NRXN1: variants seen among roughly 807,000 people sequenced by gnomAD.
The protein encoded by NRXN1 is neurexin 1.
In NRXN1, 39 loss-of-function variants were observed where a neutral mutation model predicts 150.9. The ratio of observed to expected loss-of-function variants is 0.26; its 90% confidence interval spans 0.20 to 0.34. The LOEUF (loss-of-function observed/expected upper bound fraction) is 0.34, where lower values mean the gene tolerates loss of function less well. Ranked by LOEUF, NRXN1 falls within the 10% of genes least tolerant of loss-of-function variation. NRXN1 has a pLI of 1.00. For missense variants in NRXN1, 1,815 were observed against 1,949.9 expected (o/e 0.93, Z 1.30); for synonymous variants, 924 against 757.0 (o/e 1.22, Z -3.62).
At chr2:50,170,189 C>A (rs897836364) in intron 18 of NRXN1, among the ~76,000 whole-genome samples, 1 of 151,862 alleles carries the variant, frequency 6.6e-6, no homozygotes, top group Non-Finnish European at 1.5e-5. Context: ...ACTGGTTGAG[C>A]ACCCTAAATC....
intron 17 of NRXN1, among the ~76,000 whole-genome samples, chr2:50,440,389 C>A (rs992717356): frequency 6.6e-6 from 1 of 151,552 alleles, no homozygotes; most frequent in Admixed American, 6.6e-5. Context: ...GAAACCAAAT[C>A]TGACTATAGT....
intron 19 of NRXN1, among the ~76,000 whole-genome samples, chr2:50,077,073 A>C (rs1697226425): frequency 6.6e-6 from 1 of 152,220 alleles, no homozygotes; most frequent in Admixed American, 6.5e-5. Flanking sequence ...TTGCTCATTT[A>C]TCACAAGGAG....
At chr2:50,964,761 A>C (rs569256820) in intron 2 of NRXN1, among the ~76,000 whole-genome samples, 22 of 151,608 alleles carry the variant, frequency 1.5e-4, no homozygotes, top group South Asian at 6.2e-4. Flanking sequence ...ATACAGCTCC[A>C]CATAAAAACA....
intron 2 of NRXN1, among the ~76,000 whole-genome samples, chr2:50,950,873 G>C (rs907509481): frequency 6.6e-6 from 1 of 152,150 alleles, no homozygotes; most frequent in African/African-American, 2.4e-5. Context: ...AGAAAACAGA[G>C]TCTCAGAAAT....
rs187930619 is a variant in NRXN1 at position 50,029,858 on chromosome 2, T to C, written c.4128+23413A>G. Among the ~76,000 whole-genome samples the C allele has an allele frequency of 2.2e-4, 34 of 152,268 alleles. No homozygotes were observed. The East Asian group carries it at 5.8e-3, about 26-fold the overall frequency. On this transcript the variant is annotated intron_variant, in intron 21 of 22. Coordinates refer to ENST00000401669, the MANE Select transcript of NRXN1 (RefSeq NM_001330078.2). The stretch of plus-strand genomic sequence containing the variant: ...TATCCTTAATAAGCCCAAAGGTCTT[T>C]TGAATGAACCTTATAAGAATATCTA...
chr2:50,732,563 C>T (rs1285601421), intron 5 of NRXN1, among the ~76,000 whole-genome samples: 2 of 152,120 alleles, frequency 1.3e-5, no homozygotes, highest in Non-Finnish European at 2.9e-5. Context: ...TAATTATGTA[C>T]TTACAATATT....
At chr2:50,950,163 T>C (rs182839172) in intron 2 of NRXN1, among the ~76,000 whole-genome samples, 128 of 152,296 alleles carry the variant, frequency 8.4e-4, no homozygotes, top group African/African-American at 2.9e-3. Flanking sequence ...GGGAAAGTGG[T>C]TGCATTATTT....
chr2:50,343,379 T>C (rs1244135432), intron 17 of NRXN1, among the ~76,000 whole-genome samples: 1 of 152,200 alleles, frequency 6.6e-6, no homozygotes, highest in African/African-American at 2.4e-5. Flanking sequence ...TTCTGGACTC[T>C]TGTTGGCGTT....
intron 8 of NRXN1, among the ~76,000 whole-genome samples, chr2:50,617,085 G>A (rs904079594): frequency 6.6e-6 from 1 of 152,250 alleles, no homozygotes; most frequent in Middle Eastern, 3.4e-3. Flanking sequence ...AACAAGAGCA[G>A]GGCCTTCTAA....
chr2:50,673,236 T>G (rs571890413), intron 5 of NRXN1, among the ~76,000 whole-genome samples: 3 of 152,276 alleles, frequency 2.0e-5, no homozygotes, highest in South Asian at 4.1e-4. Flanking sequence ...CAATTTTAAT[T>G]ACAATTTATT....
At chr2:50,522,721 T>C (rs1157969630) in intron 12 of NRXN1, among the ~76,000 whole-genome samples, 1,695 of 22,726 alleles carry the variant, frequency 0.075, 544 homozygotes, top group African/African-American at 0.11. Flanking sequence ...TTTTTATTCA[T>C]TTTTTTTTTT....
chr2:50,814,334 G>T (rs3914731), intron 5 of NRXN1, among the ~76,000 whole-genome samples: 14,275 of 152,076 alleles, frequency 0.094, 843 homozygotes, highest in East Asian at 0.21. Flanking sequence ...ATTATAAAAT[G>T]TGGTTCACAA....
chr2:50,546,146 T>C (rs928920620), intron 9 of NRXN1, among the ~76,000 whole-genome samples: 1 of 152,096 alleles, frequency 6.6e-6, no homozygotes, highest in African/African-American at 2.4e-5. Flanking sequence ...GAACTAAATC[T>C]TAATCAAAAG....
At position 50,760,966 on chromosome 2, in the gene NRXN1, T is replaced by C. The variant is rs1701735877; in HGVS notation, c.833-137351A>G. ...AATGATTTTCTCACCTACAGTCTTGTTCTCTTTAACCATGACCCAAACCAA... is the reference window on the plus strand; with the variant it reads ...AATGATTTTCTCACCTACAGTCTTGCTCTCTTTAACCATGACCCAAACCAA... On this transcript the variant is annotated intron_variant, in intron 5 of 22. Coordinates refer to ENST00000401669, the MANE Select transcript of NRXN1 (RefSeq NM_001330078.2). Among the ~76,000 whole-genome samples, 3 of 151,940 alleles carry C rather than the reference T, an allele frequency of 2.0e-5. No homozygotes were observed. The South Asian group carries it at 6.2e-4, about 31-fold the overall frequency.
intron 12 of NRXN1, among the ~76,000 whole-genome samples, chr2:50,516,078 G>C (rs1407568409): frequency 6.6e-6 from 1 of 152,100 alleles, no homozygotes; most frequent in Admixed American, 6.5e-5. Flanking sequence ...AAACCTGTTT[G>C]TTTTAATTTT....
rs561335807 is a variant in NRXN1 at position 50,281,817 on chromosome 2, A to C, written c.3365-44847T>G. Among the ~76,000 whole-genome samples, 17 of 152,310 alleles carry C rather than the reference A, an allele frequency of 1.1e-4. No individual in the cohort carries two copies. In the South Asian group the frequency reaches 3.5e-3, roughly 32 times the overall value. On this transcript the variant is annotated intron_variant, in intron 17 of 22. Transcript: ENST00000401669. ...TTGAAGTTTCAGTGCTCAAGAACAA[A>C]AGCAAAAGTGGTTTCTATTAGCAGT... is the stretch of plus-strand genomic sequence containing the variant.
intron 18 of NRXN1, among the ~76,000 whole-genome samples, chr2:50,156,660 T>C (rs1378683347): frequency 6.6e-6 from 1 of 151,880 alleles, no homozygotes; most frequent in Non-Finnish European, 1.5e-5. Flanking sequence ...ACCAATACAA[T>C]GTAAAGTTTC....
At chr2:50,769,264 G>C (rs931401499) in intron 5 of NRXN1, among the ~76,000 whole-genome samples, 1 of 151,912 alleles carries the variant, frequency 6.6e-6, no homozygotes, top group Admixed American at 6.6e-5. Flanking sequence ...AGTTAAGCAA[G>C]AGCAAGCCAA....
intron 9 of NRXN1, among the ~76,000 whole-genome samples, chr2:50,543,009 TC>T (rs2093422763): frequency 6.6e-6 from 1 of 152,150 alleles, no homozygotes; most frequent in Non-Finnish European, 1.5e-5. Context: ...TAAACCTGGT[TC>T]ATTGATAATT....
Sources: gnomAD v4.1 joint callset for allele counts (sites outside exome capture counted in the v4.1 genomes callset) on GRCh38, gnomAD v4.1.1 for gene constraint, MANE v1.5 for transcripts, NCBI Gene and HGNC (gene_info 2026-07-23, HGNC 2026-07-21) for gene names.